Variants in TRAPPC9 observed in about 807,000 individuals in gnomAD.
TRAPPC9 encodes trafficking protein particle complex subunit 9.
In TRAPPC9, 83 loss-of-function variants were observed where a neutral mutation model predicts 124.0. That is an observed-to-expected ratio of 0.67 (90% confidence interval 0.56 to 0.80). The LOEUF is 0.80. Among genes scored for constraint, TRAPPC9 ranks in the 30% least tolerant of loss-of-function variants. The probability of loss-of-function intolerance (pLI) is 0.00; values close to 1 mark genes in which losing one functional copy is unlikely to be tolerated. For missense variants in TRAPPC9, 1,302 were observed against 1,508.3 expected (o/e 0.86, Z 2.27); for synonymous variants, 638 against 617.5 (o/e 1.03, Z -0.49).
At chr8:140,269,595 G>A (rs945385259) in intron 15 of TRAPPC9, among the ~76,000 whole-genome samples, 1 of 150,968 alleles carries the variant, frequency 6.6e-6, no homozygotes, top group Non-Finnish European at 1.5e-5. Flanking sequence ...TAAATAAGAT[G>A]GATTAAAGGA....
At chr8:140,212,549 G>T (rs6578080) in intron 17 of TRAPPC9, among the ~76,000 whole-genome samples, 60,799 of 151,962 alleles carry the variant, frequency 0.4, 14,662 homozygotes, top group Non-Finnish European at 0.55. Context: ...GCTTTGGGTT[G>T]TACTCTTTGG....
chr8:140,404,813 T>G (rs1034881727), intron 6 of TRAPPC9, among the ~76,000 whole-genome samples: 2 of 151,080 alleles, frequency 1.3e-5, no homozygotes, highest in Non-Finnish European at 3.0e-5. Context: ...TGAACATGTG[T>G]GTATGTGCAT....
intron 16 of TRAPPC9, among the ~76,000 whole-genome samples, chr8:140,248,635 A>T (rs1475692506): frequency 1.3e-5 from 2 of 152,218 alleles, no homozygotes; most frequent in East Asian, 3.8e-4. Context: ...TGAATAGTTC[A>T]TATATTCAAA....
intron 9 of TRAPPC9, among the ~76,000 whole-genome samples, chr8:140,359,172 G>A (rs1295227308): frequency 6.6e-6 from 1 of 152,182 alleles, no homozygotes; most frequent in Non-Finnish European, 1.5e-5. Context: ...CTGAGGCCCA[G>A]CTTCTCCCAC....
intron 17 of TRAPPC9, among the ~76,000 whole-genome samples, chr8:140,123,653 C>A (rs1430251484): frequency 6.6e-6 from 1 of 152,238 alleles, no homozygotes; most frequent in Non-Finnish European, 1.5e-5. Flanking sequence ...CATCACTCAT[C>A]AAAAATTATA....
intron 9 of TRAPPC9, among the ~76,000 whole-genome samples, chr8:140,341,523 C>T (rs956057915): frequency 6.6e-6 from 1 of 152,140 alleles, no homozygotes; most frequent in African/African-American, 2.4e-5. Context: ...AAAAGACAAA[C>T]CTTTCTTTTG....
intron 17 of TRAPPC9, among the ~76,000 whole-genome samples, chr8:140,062,698 T>C (rs1842692976): frequency 6.6e-6 from 1 of 152,178 alleles, no homozygotes; most frequent in Non-Finnish European, 1.5e-5. Flanking sequence ...GATGAGCTCC[T>C]ATGGGGAGCA....
intron 19 of TRAPPC9, among the ~76,000 whole-genome samples, chr8:139,958,005 G>C (rs759683666): frequency 3.3e-5 from 5 of 152,220 alleles, no homozygotes; most frequent in Non-Finnish European, 7.3e-5. Context: ...AGTGTGACAT[G>C]GTGGCTGACT....
At chr8:139,773,250 C>T (rs1821110258) in intron 21 of TRAPPC9, among the ~76,000 whole-genome samples, 1 of 152,248 alleles carries the variant, frequency 6.6e-6, no homozygotes. Flanking sequence ...GTGCCGATGG[C>T]TCTAACAGGT....
At chr8:140,057,938 G>A (rs1249811860) in intron 17 of TRAPPC9, among the ~76,000 whole-genome samples, 2 of 152,202 alleles carry the variant, frequency 1.3e-5, no homozygotes, top group South Asian at 2.1e-4. Context: ...TAGTGGAGGT[G>A]GTCCTGCCAG....
chr8:140,070,002 G>A (rs1843073862), intron 17 of TRAPPC9, among the ~76,000 whole-genome samples: 1 of 152,128 alleles, frequency 6.6e-6, no homozygotes, highest in East Asian at 1.9e-4. Flanking sequence ...TTCCACCCAG[G>A]CCCCCGGCTA....
intron 21 of TRAPPC9, among the ~76,000 whole-genome samples, chr8:139,836,277 G>C (rs1826343004): frequency 6.6e-6 from 1 of 152,206 alleles, no homozygotes; most frequent in Admixed American, 6.5e-5. Context: ...CCAAAGTGCT[G>C]GGTTACAGGC....
chr8:140,334,366 A>G (rs147461608), intron 9 of TRAPPC9, among the ~76,000 whole-genome samples: 2 of 152,236 alleles, frequency 1.3e-5, no homozygotes, highest in African/African-American at 4.8e-5. Context: ...AATCAGTTCC[A>G]TGGCTCGGCA....
At position 139,907,797 on chromosome 8, in the gene TRAPPC9, T is replaced by C. The variant is rs878973676; in HGVS notation, c.2964+2350A>G. ...GACATTTTCTGTACTTTTTTGATAC[T>C]GGTTTTCAAAGAACGCAAGAGTTCT... On this transcript the variant is annotated intron_variant, in intron 20 of 22. Transcript: ENST00000438773. This position sits in a 1 kb window ranked among gnomAD's most constrained non-coding sequence, Gnocchi z 4.7. Among the ~76,000 whole-genome samples, 1 of 152,228 alleles carries C rather than the reference T, an allele frequency of 6.6e-6. No homozygotes were observed. Among genetic ancestry groups the C allele is most frequent in the South Asian group, 2.1e-4 (1 of 4,832 alleles).
chr8:140,221,556 A>G lies in TRAPPC9; in HGVS notation c.2459T>C (p.Leu820Pro), dbSNP rs1223087017. The part of the protein sequence containing the change: ...DDGISVSGFP[L>P]SSPFRQVVRP... ...AACGACCTGCCGAAAAGGACTGGAC[A>G]GGGGAAAGCCACTCACACTGATTCC... Residue 820 changes from leucine (L) to proline (P), a missense_variant, in exon 17 of 23, where the codon CTG becomes CCG. Transcript: ENST00000438773. 1 of 1,614,128 alleles carries G rather than the reference A, an allele frequency of 6.2e-7. No homozygotes were observed. The highest frequency in any genetic ancestry group is 1.3e-5 in the African/African-American group (1 of 75,062).
chr8:140,330,510 G>C (rs1369918697), intron 9 of TRAPPC9, among the ~76,000 whole-genome samples: 2 of 152,142 alleles, frequency 1.3e-5, no homozygotes, highest in African/African-American at 4.8e-5. Context: ...ACCAGTTGGA[G>C]GCCCTGATGA....
intron 21 of TRAPPC9, among the ~76,000 whole-genome samples, chr8:139,801,855 C>T (rs1222279996): frequency 1.3e-5 from 2 of 152,212 alleles, no homozygotes; most frequent in Non-Finnish European, 2.9e-5. Context: ...AAGCAGTGGT[C>T]TGCCTGTCAA....
intron 17 of TRAPPC9, among the ~76,000 whole-genome samples, chr8:140,037,907 CACA>C (rs1563711514): frequency 6.9e-5 from 10 of 145,738 alleles, no homozygotes; most frequent in African/African-American, 2.5e-4. Flanking sequence ...CACACACACA[CACA>C]CCCCAGAGCT....
At chr8:140,091,760 G>A (rs1378240234) in intron 17 of TRAPPC9, among the ~76,000 whole-genome samples, 3 of 152,202 alleles carry the variant, frequency 2.0e-5, no homozygotes, top group East Asian at 1.9e-4. Flanking sequence ...CCCGCCTGCT[G>A]CGATGAAGTT....
Sources: gnomAD v4.1 joint callset for allele counts (sites outside exome capture counted in the v4.1 genomes callset) on GRCh38, gnomAD v4.1.1 for gene constraint, Gnocchi (gnomAD v3.1) non-coding constraint, MANE v1.5 for transcripts, NCBI Gene and HGNC (gene_info 2026-07-23, HGNC 2026-07-21) for gene names.